Variants in ZNF365 observed in about 807,000 individuals in gnomAD.
ZNF365 encodes the protein protein ZNF365.
Under a neutral mutation model 35.0 loss-of-function variants are expected in ZNF365, and 22 were observed. The observed-to-expected ratio is 0.63, with a 90% CI of 0.45 to 0.90. The LOEUF is 0.90. ZNF365 is among the 40% of genes least tolerant of loss of function. The pLI is 0.00. For missense variants in ZNF365, 448 were observed against 500.3 expected (o/e 0.90, Z 1.00); for synonymous variants, 188 against 196.2 (o/e 0.96, Z 0.35).
chr10:62,375,852 T>G (rs1483893280), intron 1 of ZNF365: 1 of 229,188 alleles, frequency 4.4e-6, no homozygotes, highest in Non-Finnish European at 8.5e-6. Context: ...CCCACCTTTT[T>G]GATTCTAGGT....
chr10:62,442,012 G>C (rs1840509422), intron 3 of ZNF365, among the ~76,000 whole-genome samples: 1 of 152,100 alleles, frequency 6.6e-6, no homozygotes, highest in Admixed American at 6.6e-5. Context: ...ATTTTCTTTT[G>C]CCTTCCCAAG....
intron 3 of ZNF365, among the ~76,000 whole-genome samples, chr10:62,449,268 C>G (rs1409276817): frequency 6.6e-6 from 1 of 152,114 alleles, no homozygotes; most frequent in Admixed American, 6.6e-5. Context: ...AAAAGTCTCT[C>G]TTTGGTGATT....
chr10:62,399,736 A>C lies in ZNF365; in HGVS notation c.1171A>C (p.Ile391Leu). ...CCTGGGGTTTGGCCGCAAAGGCAAC[A>C]TCAGGCCCAAAATGGCTAAAAAAAA... ...ELLGFGRKGN[I>L]RPKMAKKKPT... Residue 391 changes from isoleucine (I) to leucine (L), a missense_variant, in exon 5 of 5, where the codon ATC becomes CTC. Ile to Leu is a conservative substitution (Grantham distance 5). Coordinates refer to ENST00000395254, the MANE Select transcript of ZNF365 (RefSeq NM_014951.3). The C allele has an allele frequency of 6.2e-7, 1 of 1,614,114 alleles. No individual in the cohort carries two copies. Among genetic ancestry groups the C allele is most frequent in the Non-Finnish European group, 8.5e-7 (1 of 1,180,020 alleles).
intron 4 of ZNF365, among the ~76,000 whole-genome samples, chr10:62,461,349 G>A (rs1396073842): frequency 1.3e-5 from 2 of 152,220 alleles, no homozygotes; most frequent in East Asian, 3.9e-4. Flanking sequence ...GTCGGAGGGG[G>A]AGGAGGAGAG....
At chr10:62,416,064 C>T (rs1203421496) in intron 3 of ZNF365, among the ~76,000 whole-genome samples, 1 of 152,144 alleles carries the variant, frequency 6.6e-6, no homozygotes, top group African/African-American at 2.4e-5. Flanking sequence ...TATCTTGCTT[C>T]TTGGATTGAC....
At chr10:62,475,417 C>T (rs948284360) in intron 4 of ZNF365, among the ~76,000 whole-genome samples, 1 of 152,064 alleles carries the variant, frequency 6.6e-6, no homozygotes, top group Non-Finnish European at 1.5e-5. Flanking sequence ...CACAGGGAGA[C>T]CCTGTCTCTA....
chr10:62,457,335 C>T (rs1274284859), intron 3 of ZNF365, among the ~76,000 whole-genome samples: 3 of 152,218 alleles, frequency 2.0e-5, no homozygotes, highest in Non-Finnish European at 2.9e-5. Context: ...ATTTTCTATA[C>T]CACTTAAGCA....
At chr10:62,383,392 C>G (rs1839473194) in intron 2 of ZNF365, among the ~76,000 whole-genome samples, 1 of 152,078 alleles carries the variant, frequency 6.6e-6, no homozygotes, top group African/African-American at 2.4e-5. Context: ...TACTCCCTGG[C>G]AAGAGAGTCT....
At chr10:62,446,931 A>C (rs1840599328) in intron 3 of ZNF365, among the ~76,000 whole-genome samples, 1 of 152,164 alleles carries the variant, frequency 6.6e-6, no homozygotes, top group African/African-American at 2.4e-5. Context: ...CAAAAGGCTG[A>C]GATGGCCTTG....
chr10:62,455,217 AGGGAGGCT>A (rs1443562929), intron 3 of ZNF365, among the ~76,000 whole-genome samples: 1 of 152,164 alleles, frequency 6.6e-6, no homozygotes, highest in Non-Finnish European at 1.5e-5. Flanking sequence ...GAGACAGCAC[AGGGAGGCT>A]GGGAGAGAGC....
chr10:62,395,745 G>A (rs1839715354), intron 3 of ZNF365, among the ~76,000 whole-genome samples: 1 of 151,938 alleles, frequency 6.6e-6, no homozygotes, highest in Admixed American at 6.6e-5. Flanking sequence ...GAGCATTTTG[G>A]TTTTCATATT....
intron 3 of ZNF365, among the ~76,000 whole-genome samples, chr10:62,453,924 G>A (rs888778643): frequency 2.0e-5 from 3 of 152,172 alleles, no homozygotes; most frequent in Non-Finnish European, 4.4e-5. Flanking sequence ...TTTAAATGAT[G>A]CTGTGAAGGT....
intron 3 of ZNF365, among the ~76,000 whole-genome samples, chr10:62,449,045 T>C (rs7090136): frequency 0.021 from 3,150 of 152,234 alleles, 106 homozygotes; most frequent in African/African-American, 0.067. Flanking sequence ...ATGGATCCAA[T>C]GTGGAAAATG....
At chr10:62,431,023 C>A (rs1445040965) in intron 3 of ZNF365, among the ~76,000 whole-genome samples, 1 of 152,142 alleles carries the variant, frequency 6.6e-6, no homozygotes, top group African/African-American at 2.4e-5. Flanking sequence ...TCAAATGGCT[C>A]TTAATGTGTT....
chr10:62,479,844 C>T, intron 4 of ZNF365: 3 of 1,506,242 alleles, frequency 2.0e-6, no homozygotes, highest in Non-Finnish European at 2.8e-6. Context: ...CACTGCAACT[C>T]TACTAACTTT....
At chr10:62,398,876 C>T (rs1839776003) in intron 4 of ZNF365, 99 bp downstream of exon 4, 1 of 1,195,020 alleles carries the variant, frequency 8.4e-7, no homozygotes, top group African/African-American at 1.6e-5. Context: ...TATATGATAT[C>T]TATATTATAA....
At position 62,400,319 on chromosome 10, in the gene ZNF365, T is replaced by G. The variant is rs1284463727; in HGVS notation, c.*530T>G. The G allele has an allele frequency of 1.0e-6, 1 of 986,458 alleles. No homozygotes were observed. The highest frequency in any genetic ancestry group is 1.2e-6 in the Non-Finnish European group (1 of 830,374). The allele number at this position is 986,458 out of a possible 1,614,324, so 61.1% of individuals were successfully genotyped here. A position where few individuals can be genotyped will look rare whatever the true frequency, so the allele number is the denominator to read the frequency against. Reference sequence around the variant, plus strand: ...GATTCCCATTCCCCGAGTATTCTGGTTAATCAAGATTTCAATTTCTGGGTT... The same window carrying G: ...GATTCCCATTCCCCGAGTATTCTGGGTAATCAAGATTTCAATTTCTGGGTT... On this transcript the variant is annotated 3_prime_UTR_variant, in exon 5 of 5. Transcript: ENST00000395254.
At chr10:62,420,362 T>C (rs1409529672) in intron 3 of ZNF365, among the ~76,000 whole-genome samples, 1 of 152,204 alleles carries the variant, frequency 6.6e-6, no homozygotes, top group East Asian at 1.9e-4. Flanking sequence ...TTTTTTGTTA[T>C]TGTTCAGTTT....
At chr10:62,419,190 A>G (rs573822991) in intron 3 of ZNF365, among the ~76,000 whole-genome samples, 1 of 152,232 alleles carries the variant, frequency 6.6e-6, no homozygotes, top group East Asian at 1.9e-4. Context: ...CAATCTCCAG[A>G]CCATGTTACT....
Sources: allele counts gnomAD v4.1 joint callset (sites outside exome capture counted in the v4.1 genomes callset), GRCh38; gene constraint gnomAD v4.1.1; transcripts MANE v1.5; gene names NCBI Gene and HGNC (gene_info 2026-07-23, HGNC 2026-07-21).